The following PCNX4 variants were observed in gnomAD, a reference collection of about 807,000 sequenced individuals.
The protein encoded by PCNX4 is pecanex-like protein 4.
PCNX4 carries 103 observed loss-of-function variants against 107.2 expected under a neutral mutation model. That is an observed-to-expected ratio of 0.96 (90% CI 0.82 to 1.13). The LOEUF is 1.13. Ranked by LOEUF, PCNX4 falls within the 50% of genes most tolerant of loss-of-function variation. The pLI, the probability that PCNX4 is intolerant of heterozygous loss-of-function variation, is 0.00. For synonymous variants in PCNX4, 541 were observed against 481.7 expected (o/e 1.12, Z -1.61); for missense variants, 1,528 against 1,379.4 (o/e 1.11, Z -1.71).
In PCNX4 at chr14:60,141,096, G is replaced by C. The variant is rs1333412314; in HGVS notation, c.*6875G>C. On this transcript the variant is annotated 3_prime_UTR_variant, in exon 11 of 11. Transcript: ENST00000406854. ...CTGCTTTTACTCTATTCTTGTGGTA[G>C]ACAAAGTCTCTCCAAAAGCCAGATA... 6.6e-6 allele frequency: 1 copy of C among 152,182 alleles called. No homozygotes were observed. Among genetic ancestry groups the C allele is most frequent in the Admixed American group, 6.5e-5 (1 of 15,274 alleles). 9.4% of individuals were successfully genotyped at this position (152,182 alleles called of 1,614,324 possible).
At chr14:60,130,261 G>A (rs1896130529) in intron 10 of PCNX4, among the ~76,000 whole-genome samples, 1 of 151,028 alleles carries the variant, frequency 6.6e-6, no homozygotes, top group South Asian at 2.1e-4. Flanking sequence ...GATTGCTTGA[G>A]CACAGGAAGT....
At chr14:60,121,393 G>T (rs888971198) in intron 8 of PCNX4, 94 bp downstream of exon 8, 1 of 1,309,080 alleles carries the variant, frequency 7.6e-7, no homozygotes, top group Non-Finnish European at 1.0e-6. Context: ...TTTGAAAGAA[G>T]AATATCTTTT....
In PCNX4 at chr14:60,121,317, A is replaced by T; in HGVS notation, c.2046+18A>T. On this transcript the variant is annotated intron_variant, in intron 8 of 10. Coordinates refer to ENST00000406854, the MANE Select transcript of PCNX4 (RefSeq NM_001330177.2). ...ACATTAAGGTCAGTGTGCATATAAAACATCTGTAGTATTTTTATAGTTCAT... is the reference window on the plus strand; with the variant it reads ...ACATTAAGGTCAGTGTGCATATAAATCATCTGTAGTATTTTTATAGTTCAT... 6.3e-7 allele frequency: 1 copy of T among 1,599,708 alleles called. No individual in the cohort carries two copies. The highest frequency in any genetic ancestry group is 8.5e-7 in the Non-Finnish European group (1 of 1,174,638).
intron 8 of PCNX4, among the ~76,000 whole-genome samples, chr14:60,122,719 C>T (rs1389559186): frequency 2.0e-5 from 3 of 152,162 alleles, no homozygotes; most frequent in Non-Finnish European, 2.9e-5. Flanking sequence ...GCACAGGGAT[C>T]TCTTGTTTTT....
In PCNX4 at chr14:60,134,379, A is replaced by G; in HGVS notation, c.*158A>G. The stretch of plus-strand genomic sequence containing the variant: ...AAAGTTGGTTCTCTTAGCCATCTTA[A>G]TGGTTCTAAAAAACAGCAAAAACAT... On this transcript the variant is annotated 3_prime_UTR_variant, in exon 11 of 11. Coordinates refer to ENST00000406854, the MANE Select transcript of PCNX4 (RefSeq NM_001330177.2). 1 of 889,450 alleles carries G rather than the reference A, an allele frequency of 1.1e-6. No homozygotes were observed. Among genetic ancestry groups the G allele is most frequent in the Non-Finnish European group, 1.7e-6 (1 of 592,300 alleles). The allele number at this position is 889,450 out of a possible 1,614,324, so 55.1% of individuals were successfully genotyped here.
chr14:60,107,667 A>G lies in PCNX4; in HGVS notation c.29A>G (p.Asp10Gly), dbSNP rs908805673. The stretch of plus-strand genomic sequence containing the variant: ...AGTCCAGATGTGCCTCTACTGAATG[A>G]TTACAAGCAGGACTTCTTTCTGAAG... MSPDVPLLN[D>G]YKQDFFLKRF... The change falls in exon 2 of 11, where the codon GAT (aspartate) becomes GGT (glycine). Residue 10 changes from aspartate to glycine, a missense_variant. Asp to Gly is a moderately conservative substitution (Grantham distance 94). Coordinates refer to ENST00000406854, the MANE Select transcript of PCNX4 (RefSeq NM_001330177.2). The G allele has an allele frequency of 1.3e-5, 21 of 1,612,722 alleles. No homozygotes were observed. Among genetic ancestry groups the G allele is most frequent in the Non-Finnish European group, 1.8e-5 (21 of 1,179,838 alleles).
chr14:60,144,781 T>C lies in PCNX4; in HGVS notation c.*10560T>C, dbSNP rs1472607023. ...GAATATAGTATGAGTTAATACCTTT[T>C]TTGCAAGATTCATGGCAATCTTTTA... is the stretch of plus-strand genomic sequence containing the variant. On this transcript the variant is annotated 3_prime_UTR_variant, in exon 11 of 11. Transcript: ENST00000406854. The C allele has an allele frequency of 3.3e-5, 20 of 597,226 alleles. No homozygotes were observed. Among genetic ancestry groups the C allele is most frequent in the African/African-American group, 7.6e-5 (4 of 52,332 alleles). 37.0% of individuals were successfully genotyped at this position (597,226 alleles called of 1,614,324 possible). A position where few individuals can be genotyped will look rare whatever the true frequency, so the allele number is the denominator to read the frequency against.
chr14:60,111,581 A>G (rs1180685466), intron 2 of PCNX4, among the ~76,000 whole-genome samples: 2 of 152,182 alleles, frequency 1.3e-5, no homozygotes, highest in Non-Finnish European at 2.9e-5. Context: ...CTGTCTCCGT[A>G]TCCCATTTCT....
rs2140581988 is a variant in PCNX4 at position 60,145,159 on chromosome 14, G to T, written c.*10938G>T. On this transcript the variant is annotated 3_prime_UTR_variant, in exon 11 of 11. Coordinates refer to ENST00000406854, the MANE Select transcript of PCNX4 (RefSeq NM_001330177.2). The surrounding 1 kb of genome is among the most constrained non-coding windows in gnomAD (Gnocchi z 4.0). The stretch of plus-strand genomic sequence containing the variant: ...AAAAGTTCAGAAACTGCTTAAATTA[G>T]AATTTAAAAATCATAGCCAAAATTC... 1 of 543,750 alleles carries T rather than the reference G, an allele frequency of 1.8e-6. No homozygotes were observed. Among genetic ancestry groups the T allele is most frequent in the East Asian group, 3.2e-5 (1 of 31,436 alleles). 33.7% of individuals were successfully genotyped at this position (543,750 alleles called of 1,614,324 possible).
In PCNX4 at chr14:60,145,036, T is replaced by C; in HGVS notation, c.*10815T>C. Reference sequence around the variant, plus strand: ...ATCCTGTAAAAGAGGGACAGAAACATGGATCAGTACCTACTCCTATTTACT... The same window carrying C: ...ATCCTGTAAAAGAGGGACAGAAACACGGATCAGTACCTACTCCTATTTACT... On this transcript the variant is annotated 3_prime_UTR_variant, in exon 11 of 11. Coordinates refer to ENST00000406854, the MANE Select transcript of PCNX4 (RefSeq NM_001330177.2). This position sits in a 1 kb window ranked among gnomAD's most constrained non-coding sequence, Gnocchi z 4.0. 3.2e-6 allele frequency: 5 copies of C among 1,562,178 alleles called. No individual in the cohort carries two copies. Among genetic ancestry groups the C allele is most frequent in the Non-Finnish European group, 4.3e-6 (5 of 1,156,342 alleles).
intron 1 of PCNX4, 49 bp downstream of exon 1, chr14:60,092,468 T>C (rs1262686900): frequency 6.6e-6 from 1 of 152,260 alleles, no homozygotes; most frequent in African/African-American, 2.4e-5. Flanking sequence ...GGCATCTTAA[T>C]GTCCAAGCCT....
rs1476499021 is a variant in PCNX4 at position 60,135,090 on chromosome 14, T to A, written c.*869T>A. 6.6e-6 allele frequency: 1 copy of A among 152,196 alleles called. No individual in the cohort carries two copies. Among genetic ancestry groups the A allele is most frequent in the Non-Finnish European group, 1.5e-5 (1 of 68,016 alleles). The allele number at this position is 152,196 out of a possible 1,614,324, so 9.4% of individuals were successfully genotyped here. On this transcript the variant is annotated 3_prime_UTR_variant, in exon 11 of 11. Transcript: ENST00000406854. The stretch of plus-strand genomic sequence containing the variant: ...ATTTTATTTTCATTCTCTTCTTGCT[T>A]AGGAACGTTTTACAGATACATGTAA...
At chr14:60,097,782 C>G (rs1895452705) in intron 1 of PCNX4, among the ~76,000 whole-genome samples, 1 of 152,208 alleles carries the variant, frequency 6.6e-6, no homozygotes, top group African/African-American at 2.4e-5. Context: ...TCTTACCCTG[C>G]CTAATTAACC....
chr14:60,098,953 AAAAAG>A (rs1158792824), intron 1 of PCNX4, among the ~76,000 whole-genome samples: 1 of 152,038 alleles, frequency 6.6e-6, no homozygotes, highest in Non-Finnish European at 1.5e-5. Flanking sequence ...AGAAAAAAAA[AAAAAG>A]AAAGAAAAGA....
intron 10 of PCNX4, among the ~76,000 whole-genome samples, chr14:60,129,180 C>G (rs1896109528): frequency 6.7e-6 from 1 of 150,224 alleles, no homozygotes; most frequent in South Asian, 2.1e-4. Flanking sequence ...GTGGAGGTTG[C>G]AGTGAGCCGA....
At chr14:60,094,668 T>C (rs1301389965) in intron 1 of PCNX4, among the ~76,000 whole-genome samples, 1 of 151,844 alleles carries the variant, frequency 6.6e-6, no homozygotes, top group Non-Finnish European at 1.5e-5. Flanking sequence ...CCCATACCTA[T>C]AAGTCCCCAG....
chr14:60,118,469 T>C lies in PCNX4; in HGVS notation c.1719T>C (p.Ser573=). Residue 573 remains serine, a synonymous_variant, in exon 7 of 11, where the codon TCT becomes TCC. Transcript: ENST00000406854. ...TATGTATACTCAACATTGTCTTTTC[T>C]CCATTCGTGTTGGTCATCATAGTTT... ...ATLCILNIVF[S]PFVLVIIVFS... The C allele has an allele frequency of 6.2e-7, 1 of 1,613,764 alleles. No homozygotes were observed. Among genetic ancestry groups the C allele is most frequent in the South Asian group, 1.1e-5 (1 of 91,068 alleles).
rs913842778 is a variant in PCNX4 at position 60,141,464 on chromosome 14, C to T, written c.*7243C>T. 1 of 152,130 alleles carries T rather than the reference C, an allele frequency of 6.6e-6. No homozygotes were observed. Among genetic ancestry groups the T allele is most frequent in the African/African-American group, 2.4e-5 (1 of 41,428 alleles). The allele number at this position is 152,130 out of a possible 1,614,324, so 9.4% of individuals were successfully genotyped here. A position where few individuals can be genotyped will look rare whatever the true frequency, so the allele number is the denominator to read the frequency against. ...AGAGTATCACTATAAATCAGGCAGT[C>T]ATTAAAAAGATAATGAGGAAATACT... On this transcript the variant is annotated 3_prime_UTR_variant, in exon 11 of 11. Coordinates refer to ENST00000406854, the MANE Select transcript of PCNX4 (RefSeq NM_001330177.2).
chr14:60,103,163 A>G (rs960968718), intron 1 of PCNX4, among the ~76,000 whole-genome samples: 1 of 152,168 alleles, frequency 6.6e-6, no homozygotes, highest in African/African-American at 2.4e-5. Flanking sequence ...CTTAACTGGC[A>G]TACCCTTTCA....
Sources: allele counts gnomAD v4.1 joint callset (sites outside exome capture counted in the v4.1 genomes callset), GRCh38; gene constraint gnomAD v4.1.1; non-coding constraint Gnocchi (gnomAD v3.1); transcripts MANE v1.5; gene names NCBI Gene and HGNC (gene_info 2026-07-23, HGNC 2026-07-21).